Variants in SCAF11 observed in about 807,000 individuals in gnomAD.
SCAF11 encodes protein SCAF11.
SCAF11 carries 47 observed loss-of-function variants against 140.5 expected under a neutral mutation model. The ratio of observed to expected loss-of-function variants is 0.33; its 90% CI spans 0.26 to 0.43. The LOEUF (loss-of-function observed/expected upper bound fraction) is 0.43, where lower values mean the gene tolerates loss of function less well. Among genes scored for constraint, SCAF11 ranks in the 20% least tolerant of loss-of-function variants. The pLI is 1.00. For missense variants in SCAF11, 1,645 were observed against 1,705.1 expected (o/e 0.96, Z 0.62); for synonymous variants, 557 against 579.4 (o/e 0.96, Z 0.55).
chr12:45,940,886 C>A (rs944388592), intron 6 of SCAF11, among the ~76,000 whole-genome samples: 4 of 152,176 alleles, frequency 2.6e-5, no homozygotes, highest in African/African-American at 9.7e-5. Flanking sequence ...CACCTGCAGC[C>A]TCAACTTCCC....
At position 45,968,642 on chromosome 12, in the gene SCAF11, T is replaced by C. The variant is rs193106075; in HGVS notation, c.-21-4454A>G. On this transcript the variant is annotated intron_variant, in intron 1 of 14. Coordinates refer to ENST00000369367, the MANE Select transcript of SCAF11 (RefSeq NM_004719.3). ...TCCTAGGCCAGCCACTACACTGCAT[T>C]CAAATAATGGTAGTGACGCAGGGCA... 1.7e-4 allele frequency among the ~76,000 whole-genome samples: 26 copies of C among 152,166 alleles called. No individual in the cohort carries two copies. In the East Asian group the frequency reaches 3.9e-3, roughly 23 times the overall value.
chr12:45,922,390 C>G (rs1015205979), intron 14 of SCAF11, 73 bp downstream of exon 14: 28 of 1,549,440 alleles, frequency 1.8e-5, no homozygotes, highest in Non-Finnish European at 2.4e-5. Flanking sequence ...TTTAATTAAA[C>G]TTCAGCATTC....
intron 1 of SCAF11, among the ~76,000 whole-genome samples, chr12:45,970,129 C>T (rs1212369345): frequency 1.3e-5 from 2 of 152,136 alleles, no homozygotes; most frequent in East Asian, 1.9e-4. Flanking sequence ...CTCCTGACCT[C>T]GTGATCCACC....
Position 45,923,082 on chromosome 12 carries a change from C to T in SCAF11, c.3979G>A (p.Gly1327Arg). Residue 1327 changes from glycine (G) to arginine (R), a missense_variant, in exon 13 of 15, where the codon GGA (glycine) becomes AGA (arginine). Transcript: ENST00000369367. ...PVLPAPTAAP[G>R]NTGMVQGPSS... ...GGTCCCTGAACCATTCCCGTATTTC[C>T]TGGGGCTGCTGTCGGAGCAGGCAAA... The T allele has an allele frequency of 1.2e-6, 2 of 1,614,136 alleles. No individual in the cohort carries two copies. The highest frequency in any genetic ancestry group is 3.3e-4 in the Middle Eastern group (2 of 6,062).
At chr12:45,964,283 C>T (rs1195753384) in intron 1 of SCAF11, 95 bp from the exon 2 acceptor site, 5 of 647,934 alleles carry the variant, frequency 7.7e-6, no homozygotes, top group South Asian at 1.9e-5. Flanking sequence ...TTATTTTACA[C>T]ATAAAAGAAC....
chr12:45,922,406 T>G, intron 14 of SCAF11, 57 bp downstream of exon 14: 1 of 1,567,466 alleles, frequency 6.4e-7, no homozygotes, highest in South Asian at 1.2e-5. Flanking sequence ...CATTCATTTA[T>G]TAAAACAGAG....
At chr12:45,941,267 C>T (rs1945295162) in intron 6 of SCAF11, among the ~76,000 whole-genome samples, 1 of 152,098 alleles carries the variant, frequency 6.6e-6, no homozygotes. Flanking sequence ...AACGAATTTG[C>T]CTGTCATCTT....
rs1945823612 is a variant in SCAF11, at chr12:45,961,392, A to G, written c.219+308T>C. 1.1e-5 allele frequency: 8 copies of G among 706,540 alleles called. No individual in the cohort carries two copies. The Admixed American group carries it at 1.7e-4, about 15-fold the overall frequency. The allele number at this position is 706,540 out of a possible 1,614,324, so 43.8% of individuals were successfully genotyped here. ...GTAAACAGATATTATCCTATTAAGC[A>G]CAGAGTCAAGTACACTGAAAAATTA... On this transcript the variant is annotated intron_variant, in intron 3 of 14. Coordinates refer to ENST00000369367, the MANE Select transcript of SCAF11 (RefSeq NM_004719.3).
At chr12:45,961,511 G>A in intron 3 of SCAF11, 189 bp downstream of exon 3, 1 of 581,868 alleles carries the variant, frequency 1.7e-6, no homozygotes. Flanking sequence ...AATATTATTT[G>A]CAAAATCAAA....
intron 3 of SCAF11, chr12:45,955,741 A>G (rs1404014073): frequency 6.1e-6 from 1 of 164,370 alleles, no homozygotes; most frequent in East Asian, 1.8e-4. Flanking sequence ...TTCCTTATAT[A>G]CAACAAAATA....
At chr12:45,960,548 C>T (rs542247545) in intron 3 of SCAF11, 1 of 152,070 alleles carries the variant, frequency 6.6e-6, no homozygotes, top group Admixed American at 6.5e-5. Flanking sequence ...GATTTACCAA[C>T]CATATTAATT....
Position 45,972,911 on chromosome 12 carries a change from T to TATATATATAGATATATATATATATAG in SCAF11, c.-21-8724_-21-8723insCTATATATATATATATCTATATATAT, listed in dbSNP as rs1565688901. ...ATATATAGATATATATATATATAGA[T>TATATATATAGATATATATATATATAG]ATATATATAGATATATAGATATATA... On this transcript the variant is annotated intron_variant, in intron 1 of 14. Coordinates refer to ENST00000369367, the MANE Select transcript of SCAF11 (RefSeq NM_004719.3). 2.2e-5 allele frequency among the ~76,000 whole-genome samples: 2 copies of TATATATATAGATATATATATATATAG among 90,804 alleles called. 1 individual carries two copies. Among genetic ancestry groups the TATATATATAGATATATATATATATAG allele is most frequent in the Non-Finnish European group, 4.4e-5 (2 of 45,444 alleles). 59.6% of individuals were successfully genotyped at this position (90,804 alleles called of 152,430 possible). A position where few individuals can be genotyped will look rare whatever the true frequency, so the allele number is the denominator to read the frequency against.
At chr12:45,961,169 C>T (rs979836567) in intron 3 of SCAF11, 1 of 577,408 alleles carries the variant, frequency 1.7e-6, no homozygotes, top group Non-Finnish European at 3.1e-6. Context: ...TCTAAATTCA[C>T]TTCTGCCTCT....
intron 1 of SCAF11, among the ~76,000 whole-genome samples, chr12:45,965,391 G>T (rs938795702): frequency 1.3e-5 from 2 of 152,162 alleles, no homozygotes; most frequent in Admixed American, 1.3e-4. Context: ...CTAGGAAAAT[G>T]GTGCTTATAA....
intron 1 of SCAF11, among the ~76,000 whole-genome samples, chr12:45,971,037 G>C (rs1339646971): frequency 6.6e-6 from 1 of 152,160 alleles, no homozygotes; most frequent in East Asian, 1.9e-4. Context: ...AGGCAAGCCA[G>C]AAATCGTCAG....
In SCAF11 at chr12:45,926,780, C is replaced by T. The variant is rs1434141338; in HGVS notation, c.2921G>A (p.Gly974Asp). 1.2e-6 allele frequency: 2 copies of T among 1,614,034 alleles called. No homozygotes were observed. Among genetic ancestry groups the T allele is most frequent in the Non-Finnish European group, 1.7e-6 (2 of 1,180,042 alleles). The change falls in exon 11 of 15, where the codon GGT becomes GAT. Residue 974 changes from glycine to aspartate, a missense_variant. Around this residue, in one of 2 missense-constraint regions of SCAF11, gnomAD observed 1,582 missense variants for 1,609.2 expected, o/e 0.98. Coordinates refer to ENST00000369367, the MANE Select transcript of SCAF11 (RefSeq NM_004719.3). ...PRWKGRWAND[G>D]WRCPRGNDRY... is the part of the protein sequence containing the mutation. ...ATCATTTCCTCGTGGACATCTCCAA[C>T]CATCATTTGCCCATCTTCCCTTCCA...
chr12:45,946,672 C>T (rs1440663595), intron 5 of SCAF11, among the ~76,000 whole-genome samples: 1 of 152,048 alleles, frequency 6.6e-6, no homozygotes, highest in Admixed American at 6.5e-5. Flanking sequence ...ATGATACTGT[C>T]ACAGCCAGTG....
chr12:45,965,328 C>G (rs1466960957), intron 1 of SCAF11, among the ~76,000 whole-genome samples: 1 of 152,084 alleles, frequency 6.6e-6, no homozygotes, highest in Non-Finnish European at 1.5e-5. Flanking sequence ...TGCAGAAATT[C>G]TGAGATTTGG....
Position 45,927,368 on chromosome 12 carries a change from T to G in SCAF11, c.2333A>C (p.Lys778Thr). 6.2e-7 allele frequency: 1 copy of G among 1,614,156 alleles called. No homozygotes were observed. Among genetic ancestry groups the G allele is most frequent in the Non-Finnish European group, 8.5e-7 (1 of 1,180,014 alleles). The change falls in exon 11 of 15, where the codon AAA (lysine) becomes ACA (threonine). Residue 778 changes from lysine (K) to threonine (T), a missense_variant. Lys to Thr is a moderately conservative substitution (Grantham distance 78, BLOSUM62 -1). Transcript: ENST00000369367. Reference sequence around the variant, plus strand: ...CTTTTTGGTTTTATCTATGGTATCTTTTGGGCTTTCAGATGGTTGAGAAAC... The same window carrying G: ...CTTTTTGGTTTTATCTATGGTATCTGTTGGGCTTTCAGATGGTTGAGAAAC... Reference protein sequence around the residue: ...ETVSQPSESPKDTIDKTKKPR... With the variant: ...ETVSQPSESPTDTIDKTKKPR...
Sources: allele counts gnomAD v4.1 joint callset (sites outside exome capture counted in the v4.1 genomes callset), GRCh38; gene constraint gnomAD v4.1.1; regional missense constraint gnomAD v4.1.1; transcripts MANE v1.5; gene names NCBI Gene and HGNC (gene_info 2026-07-23, HGNC 2026-07-21).